OPA3: variants seen among roughly 807,000 people sequenced by gnomAD.
OPA3 encodes optic atrophy 3 protein.
In OPA3, 6 loss-of-function variants were observed where a neutral mutation model predicts 4.0. The observed-to-expected ratio is 1.51, with a 90% confidence interval of 0.83 to 2.99. The LOEUF (loss-of-function observed/expected upper bound fraction) is 2.99, where lower values mean the gene tolerates loss of function less well. OPA3 is among the 30% of genes most tolerant of loss of function. OPA3 has a pLI of 0.00. For synonymous variants in OPA3, 105 were observed against 117.1 expected, an observed-to-expected ratio of 0.90 and a Z score of 0.67; for missense variants, 235 against 256.2, an observed-to-expected ratio of 0.92 and a Z score of 0.56.
At chr19:45,580,921 A>G (rs977298670) in intron 1 of OPA3, among the ~76,000 whole-genome samples, 6 of 152,110 alleles carry the variant, frequency 3.9e-5, no homozygotes, top group African/African-American at 1.2e-4. Flanking sequence ...CAGCTCCAGA[A>G]GCCATTTTCT....
At chr19:45,529,143 C>A (rs777702532) in exon 2 of OPA3, 1 of 1,609,402 alleles carries the variant, frequency 6.2e-7, no homozygotes. Context: ...GCTGAGCGCG[C>A]AGCTCCTCCA....
chr19:45,583,084 G>A (rs1969879827), intron 1 of OPA3, among the ~76,000 whole-genome samples: 1 of 152,130 alleles, frequency 6.6e-6, no homozygotes. Flanking sequence ...GGCGGTTTCA[G>A]TGGTTCTCTG....
At chr19:45,544,743 G>A (rs1969225779), downstream of OPA3, among the ~76,000 whole-genome samples, 1 of 151,798 alleles carries the variant, frequency 6.6e-6, no homozygotes, top group Non-Finnish European at 1.5e-5. Flanking sequence ...GCAGTGAGCC[G>A]AGATCATGCC....
intron 1 of OPA3, among the ~76,000 whole-genome samples, chr19:45,533,332 C>T (rs1314448120): frequency 2.6e-5 from 4 of 151,714 alleles, no homozygotes; most frequent in East Asian, 1.9e-4. Context: ...GTAGCTGGGA[C>T]TACAGGCATT....
chr19:45,566,475 C>G lies in OPA3; in HGVS notation c.143-12564G>C, dbSNP rs1008507422. Among the ~76,000 whole-genome samples, 3 of 102,298 alleles carry G rather than the reference C, an allele frequency of 2.9e-5. No homozygotes were observed. In the Admixed American group the frequency reaches 3.0e-4, roughly 10 times the overall value. 67.1% of individuals were successfully genotyped at this position (102,298 alleles called of 152,430 possible). A position where few individuals can be genotyped will look rare whatever the true frequency, so the allele number is the denominator to read the frequency against. Reference sequence around the variant, plus strand: ...GATGATCCACCAGCCTGATTTTTCTCTTTTTTTTTTTTTTGAGACGGAGTC... The same window carrying G: ...GATGATCCACCAGCCTGATTTTTCTGTTTTTTTTTTTTTTGAGACGGAGTC... On this transcript the variant is annotated intron_variant, in intron 1 of 1. Transcript: ENST00000263275.
intron 1 of OPA3, among the ~76,000 whole-genome samples, chr19:45,534,829 C>T (rs1001167188): frequency 1.3e-5 from 2 of 151,038 alleles, no homozygotes; most frequent in East Asian, 2.0e-4. Flanking sequence ...GACGGGGTTT[C>T]ACTATGTTGG....
chr19:45,548,238 G>A lies in OPA3; in HGVS notation c.*5276C>T, dbSNP rs190072684. 1.2e-4 allele frequency: 119 copies of A among 985,580 alleles called. No homozygotes were observed. Among genetic ancestry groups the A allele is most frequent in the East Asian group, 3.4e-4 (3 of 8,820 alleles). The allele number at this position is 985,580 out of a possible 1,614,324, so 61.1% of individuals were successfully genotyped here. A position where few individuals can be genotyped will look rare whatever the true frequency, so the allele number is the denominator to read the frequency against. Reference sequence around the variant, plus strand: ...CAGCGACCAGCCCAGGAGTAGCTCCGTGAGCCAATAGATCAGGTTGGGGCT... The same window carrying A: ...CAGCGACCAGCCCAGGAGTAGCTCCATGAGCCAATAGATCAGGTTGGGGCT... On this transcript the variant is annotated 3_prime_UTR_variant, in exon 2 of 2. Transcript: ENST00000263275.
At chr19:45,576,620 G>A (rs757290462) in intron 1 of OPA3, among the ~76,000 whole-genome samples, 101 of 150,554 alleles carry the variant, frequency 6.7e-4, no homozygotes, top group Non-Finnish European at 1.1e-3. Flanking sequence ...CCTTTCTGAA[G>A]TCTCCAGTGG....
At chr19:45,559,775 G>A (rs1170052199) in intron 1 of OPA3, among the ~76,000 whole-genome samples, 3 of 151,982 alleles carry the variant, frequency 2.0e-5, no homozygotes, top group African/African-American at 4.8e-5. Flanking sequence ...CTTCCTCCAG[G>A]AAGCCCTCCC....
rs369545089 is a variant in OPA3, at chr19:45,553,781, G to A, written c.273C>T (p.Ile91=). 6.2e-6 allele frequency: 10 copies of A among 1,613,168 alleles called. No homozygotes were observed. Among genetic ancestry groups the A allele is most frequent in the East Asian group, 4.5e-5 (2 of 44,868 alleles). ...AELLGEATIF[I]VGGGCLVLEY... is the part of the protein sequence containing the mutation. ...CCAGCACTAGGCAGCCGCCGCCCAC[G>A]ATGAAGATGGTGGCTTCGCCCAGCA... The change falls in exon 2 of 2, where the codon ATC becomes ATT. Residue 91 remains isoleucine, a synonymous_variant. Coordinates refer to ENST00000263275, the MANE Select transcript of OPA3 (RefSeq NM_025136.4).
At chr19:45,572,955 C>T (rs1022054314) in intron 1 of OPA3, among the ~76,000 whole-genome samples, 1 of 150,966 alleles carries the variant, frequency 6.6e-6, no homozygotes, top group Non-Finnish European at 1.5e-5. Context: ...TTTGCCCTTG[C>T]CAGGTGCTTA....
chr19:45,568,561 G>A (rs966291453), intron 1 of OPA3, among the ~76,000 whole-genome samples: 1 of 152,130 alleles, frequency 6.6e-6, no homozygotes, highest in African/African-American at 2.4e-5. Flanking sequence ...GCCGCAATAG[G>A]CAGTGCTTCC....
At chr19:45,571,991 G>C (rs920566900) in intron 1 of OPA3, among the ~76,000 whole-genome samples, 53 of 151,332 alleles carry the variant, frequency 3.5e-4, no homozygotes. Context: ...TAACAGATAA[G>C]CTTAGGTATT....
At chr19:45,533,694 T>C (rs1204844749) in intron 1 of OPA3, among the ~76,000 whole-genome samples, 2 of 152,140 alleles carry the variant, frequency 1.3e-5, no homozygotes, top group Non-Finnish European at 2.9e-5. Flanking sequence ...ATGCAAAGCA[T>C]GGTGAGGTGT....
intron 1 of OPA3, among the ~76,000 whole-genome samples, chr19:45,559,397 C>CTTTTTTT (rs71338781): frequency 1.3e-4 from 8 of 59,918 alleles, no homozygotes; most frequent in African/African-American, 2.5e-4. Flanking sequence ...CTTTTTCTTT[C>CTTTTTTT]TTTTTTTTTT....
intron 1 of OPA3, among the ~76,000 whole-genome samples, chr19:45,575,227 TGA>T (rs1568410257): frequency 6.6e-6 from 1 of 151,876 alleles, no homozygotes; most frequent in Non-Finnish European, 1.5e-5. Flanking sequence ...CTCAGCCTCC[TGA>T]GAAGCTGGGA....
chr19:45,544,958 G>A (rs1969229130), downstream of OPA3, among the ~76,000 whole-genome samples: 1 of 151,330 alleles, frequency 6.6e-6, no homozygotes, highest in Admixed American at 6.6e-5. Context: ...ACTCCAGCCT[G>A]GGCAACAAGA....
intron 1 of OPA3, among the ~76,000 whole-genome samples, chr19:45,537,494 G>A (rs1287828214): frequency 6.7e-6 from 1 of 149,958 alleles, no homozygotes; most frequent in Non-Finnish European, 1.5e-5. Context: ...ACTGGAAGAA[G>A]CCATTTGCAA....
chr19:45,538,304 C>T (rs891878557), intron 1 of OPA3, among the ~76,000 whole-genome samples: 2 of 151,918 alleles, frequency 1.3e-5, no homozygotes, highest in African/African-American at 4.8e-5. Context: ...GCCTGTGGTC[C>T]CAGCTCATCA....
Sources: gnomAD v4.1 joint callset for allele counts (sites outside exome capture counted in the v4.1 genomes callset) on GRCh38, gnomAD v4.1.1 for gene constraint, MANE v1.5 for transcripts, NCBI Gene and HGNC (gene_info 2026-07-23, HGNC 2026-07-21) for gene names.